CLTC: variants seen among roughly 807,000 people sequenced by gnomAD.
The protein encoded by CLTC is clathrin heavy chain.
A neutral mutation model predicts 195.8 loss-of-function variants in CLTC; 16 were observed. The ratio of observed to expected loss-of-function variants is 0.08; its 90% CI spans 0.06 to 0.12. CLTC has a LOEUF of 0.12. Among genes scored for constraint, CLTC ranks in the 10% least tolerant of loss-of-function variants. CLTC has a pLI of 1.00. For missense variants in CLTC, 796 were observed against 2,027.0 expected, an observed-to-expected ratio of 0.39 and a Z score of 11.66; for synonymous variants, 667 against 689.4, an observed-to-expected ratio of 0.97 and a Z score of 0.51.
chr17:59,683,855 AC>A lies in CLTC; in HGVS notation c.4324-19del. The A allele has an allele frequency of 6.2e-7, 1 of 1,611,864 alleles. No individual in the cohort carries two copies. Among genetic ancestry groups the A allele is most frequent in the South Asian group, 1.1e-5 (1 of 90,982 alleles). On this transcript the variant is annotated intron_variant, in intron 27 of 31. Transcript: ENST00000269122. The surrounding 1 kb of genome is among the most constrained non-coding windows in gnomAD (Gnocchi z 6.1). ...ACTTCAATAATGTGCTATATTTGTAACAAACTCTTTATTTTAAAGGTTAAAC... is the reference window on the plus strand; with the variant it reads ...ACTTCAATAATGTGCTATATTTGTAAAAACTCTTTATTTTAAAGGTTAAAC...
At chr17:59,667,467 A>T (rs371085542) in intron 13 of CLTC, among the ~76,000 whole-genome samples, 10 of 152,204 alleles carry the variant, frequency 6.6e-5, no homozygotes, top group African/African-American at 2.4e-4. Context: ...TGGATAAGGG[A>T]TACTCAGTCT....
chr17:59,673,549 G>A, intron 14 of CLTC, 98 bp from the exon 15 acceptor site: 4 of 833,886 alleles, frequency 4.8e-6, no homozygotes, highest in Non-Finnish European at 7.7e-6. Flanking sequence ...GTTTGTGTGA[G>A]CCTCTCTTGT....
At chr17:59,628,193 A>G (rs1255265818) in intron 1 of CLTC, among the ~76,000 whole-genome samples, 4 of 152,222 alleles carry the variant, frequency 2.6e-5, no homozygotes, top group African/African-American at 7.2e-5. Context: ...CATTAAAGCC[A>G]TATTTTGTCA....
At chr17:59,620,428 C>T (rs1312598477) in intron 1 of CLTC, among the ~76,000 whole-genome samples, 1 of 152,156 alleles carries the variant, frequency 6.6e-6, no homozygotes, top group Non-Finnish European at 1.5e-5. Context: ...CTCGATCTTG[C>T]TTCCTGGATG....
chr17:59,692,475 G>A (rs1387968165), intron 31 of CLTC, among the ~76,000 whole-genome samples: 1 of 152,194 alleles, frequency 6.6e-6, no homozygotes, highest in East Asian at 1.9e-4. Flanking sequence ...TAGGGGTAGA[G>A]AGAGGTGTTA....
chr17:59,666,309 T>C lies in CLTC; in HGVS notation c.1782+69T>C, dbSNP rs2032730787. The C allele has an allele frequency of 8.2e-6, 13 of 1,575,938 alleles. No homozygotes were observed. In the South Asian group the frequency reaches 1.5e-4, roughly 18 times the overall value. Reference sequence around the variant, plus strand: ...TAGTAATTGTGCAGCGCCTCTCAGATTGTTATGCAAAGCTACTGAGGGGCC... The same window carrying C: ...TAGTAATTGTGCAGCGCCTCTCAGACTGTTATGCAAAGCTACTGAGGGGCC... On this transcript the variant is annotated intron_variant, in intron 11 of 31. Coordinates refer to ENST00000269122, the MANE Select transcript of CLTC (RefSeq NM_004859.4). This position sits in a 1 kb window ranked among gnomAD's most constrained non-coding sequence, Gnocchi z 4.9.
intron 1 of CLTC, among the ~76,000 whole-genome samples, chr17:59,629,891 C>G (rs1199863225): frequency 6.6e-6 from 1 of 152,052 alleles, no homozygotes; most frequent in East Asian, 1.9e-4. Flanking sequence ...TTTGATGTTA[C>G]AAAACTGCAC....
At chr17:59,669,057 A>G (rs2032789994) in intron 14 of CLTC, 117 bp downstream of exon 14, 3 of 838,020 alleles carry the variant, frequency 3.6e-6, no homozygotes, top group Non-Finnish European at 5.2e-6. Flanking sequence ...AGCATTCTTA[A>G]GTTGTGTGCT....
At position 59,668,921 on chromosome 17, in the gene CLTC, G is replaced by A. The variant is rs2032787661; in HGVS notation, c.2273G>A (p.Arg758Gln). 1.2e-6 allele frequency: 2 copies of A among 1,607,988 alleles called. No homozygotes were observed. The highest frequency in any genetic ancestry group is 1.7e-6 in the Non-Finnish European group (2 of 1,178,216). ...CRESNCYDPERVKNFLKEAKL... is the reference protein window; with the variant it reads ...CRESNCYDPEQVKNFLKEAKL... ...GAAAGCAACTGCTACGATCCTGAGC[G>A]AGTCAAGAATTTTCTTAAGGTAAGT... The change falls in exon 14 of 32, where the codon CGA (arginine) becomes CAA (glutamine). Residue 758 changes from arginine (R) to glutamine (Q), a missense_variant. Physicochemically the swap from Arg to Gln is conservative, Grantham distance 43 (BLOSUM62 1). This residue lies in a region of CLTC where 160 missense variants were observed against 448.2 expected (regional missense o/e 0.36). Transcript: ENST00000269122.
rs528946009 is a variant in CLTC, at chr17:59,632,536, G to A, written c.43-11740G>A. On this transcript the variant is annotated intron_variant, in intron 1 of 31. Transcript: ENST00000269122. ...GAATTTAAAAAAACAAAACAAACTC[G>A]GGAGGCCAAGGCACAAGAATTGCTT... Among the ~76,000 whole-genome samples, 13 of 152,124 alleles carry A rather than the reference G, an allele frequency of 8.5e-5. No individual in the cohort carries two copies. In the South Asian group the frequency reaches 1.5e-3, roughly 17 times the overall value.
intron 8 of CLTC, 58 bp from the exon 9 acceptor site, chr17:59,663,784 C>T (rs2032663717): frequency 6.8e-7 from 1 of 1,474,844 alleles, no homozygotes; most frequent in Non-Finnish European, 9.3e-7. Context: ...ATAGTGTCAA[C>T]TGCTCATTTC....
chr17:59,626,927 T>C (rs562982964), intron 1 of CLTC, among the ~76,000 whole-genome samples: 1 of 152,170 alleles, frequency 6.6e-6, no homozygotes, highest in Non-Finnish European at 1.5e-5. Flanking sequence ...GGACAGGGTC[T>C]CACTCTGTTG....
intron 2 of CLTC, among the ~76,000 whole-genome samples, chr17:59,645,013 A>G (rs1044421782): frequency 6.6e-6 from 1 of 152,248 alleles, no homozygotes; most frequent in Admixed American, 6.5e-5. Flanking sequence ...CTTAACATAT[A>G]TCTACTTAGA....
At chr17:59,628,896 A>G (rs2031628222) in intron 1 of CLTC, among the ~76,000 whole-genome samples, 1 of 152,118 alleles carries the variant, frequency 6.6e-6, no homozygotes, top group Non-Finnish European at 1.5e-5. Flanking sequence ...TCCTGACCTC[A>G]AATAATCTAC....
At position 59,669,863 on chromosome 17, in the gene CLTC, G is replaced by C. The variant is rs142617790; in HGVS notation, c.2292+923G>C. The stretch of plus-strand genomic sequence containing the variant: ...AGAAAGTAGGCTTTTCCTACTCCCA[G>C]ATTATCATCATTTGTGTGTGTGGTT... On this transcript the variant is annotated intron_variant, in intron 14 of 31. Transcript: ENST00000269122. 4.1e-3 allele frequency among the ~76,000 whole-genome samples: 617 copies of C among 152,232 alleles called. 1 individual carries two copies. The highest frequency in any genetic ancestry group is 0.012 in the Admixed American group (183 of 15,270).
chr17:59,620,101 A>C lies in CLTC; in HGVS notation c.-31A>C. The C allele has an allele frequency of 6.2e-7, 1 of 1,613,054 alleles. No homozygotes were observed. Among genetic ancestry groups the C allele is most frequent in the Non-Finnish European group, 8.5e-7 (1 of 1,179,226 alleles). ...CAGCCACTGCCCCGCAGCCCCAGTGACAGGAGGAGACCATAACCCCCGACA... is the reference window on the plus strand; with the variant it reads ...CAGCCACTGCCCCGCAGCCCCAGTGCCAGGAGGAGACCATAACCCCCGACA... On this transcript the variant is annotated 5_prime_UTR_variant, in exon 1 of 32. Coordinates refer to ENST00000269122, the MANE Select transcript of CLTC (RefSeq NM_004859.4).
rs1555603001 is a variant in CLTC, at chr17:59,644,546, T to TG, written c.250+63_250+64insG. ...ATGTTTTTGTTTTTTTTTGTTTTTT[T>TG]TTTGTTTGTTTGTTTGTTTTTGAGA... On this transcript the variant is annotated intron_variant, in intron 2 of 31. Transcript: ENST00000269122. 2.7e-4 allele frequency: 249 copies of TG among 934,354 alleles called. 4 individuals are homozygous for TG. In the South Asian group the frequency reaches 3.5e-3, roughly 13 times the overall value. The allele number at this position is 934,354 out of a possible 1,614,324, so 57.9% of individuals were successfully genotyped here.
Position 59,619,913 on chromosome 17 carries a change from C to T in CLTC, c.-219C>T, listed in dbSNP as rs554284330. 28 of 531,576 alleles carry T rather than the reference C, an allele frequency of 5.3e-5. No individual in the cohort carries two copies. The highest frequency in any genetic ancestry group is 5.0e-4 in the African/African-American group (26 of 52,248). 32.9% of individuals were successfully genotyped at this position (531,576 alleles called of 1,614,324 possible). On this transcript the variant is annotated 5_prime_UTR_variant, in exon 1 of 32. Transcript: ENST00000269122. The stretch of plus-strand genomic sequence containing the variant: ...TGGGCTCAGCCGTTTCCGGAGTCTG[C>T]GCTGCGCCCGGTTCCGCCATTGCGG...
At chr17:59,674,052 C>G (rs1156625273) in intron 15 of CLTC, among the ~76,000 whole-genome samples, 2 of 152,100 alleles carry the variant, frequency 1.3e-5, no homozygotes, top group East Asian at 3.9e-4. Context: ...TGCATACTAC[C>G]ATGCCCAGCC....
Sources: gnomAD v4.1 joint callset for allele counts (sites outside exome capture counted in the v4.1 genomes callset) on GRCh38, gnomAD v4.1.1 for gene constraint, gnomAD v4.1.1 regional missense constraint, Gnocchi (gnomAD v3.1) non-coding constraint, MANE v1.5 for transcripts, NCBI Gene and HGNC (gene_info 2026-07-23, HGNC 2026-07-21) for gene names.